NLRP12: variants seen among roughly 807,000 people sequenced by gnomAD.
NLRP12 encodes the protein NLR family pyrin domain containing 12, also known as NACHT, LRR and PYD domains-containing protein 12.
NLRP12 carries 108 observed loss-of-function variants against 91.2 expected under a neutral mutation model. The ratio of observed to expected loss-of-function variants is 1.18; its 90% CI spans 1.01 to 1.39. NLRP12 has a LOEUF of 1.39. Ranked by LOEUF, NLRP12 falls within the 40% of genes most tolerant of loss-of-function variation. The probability of loss-of-function intolerance (pLI) is 0.00; values close to 1 mark genes in which losing one functional copy is unlikely to be tolerated. For synonymous variants in NLRP12, 613 were observed against 566.7 expected (o/e 1.08, Z -1.16); for missense variants, 1,530 against 1,352.7 (o/e 1.13, Z -2.06).
intron 4 of NLRP12, chr19:53,805,683 C>A (rs12610233): frequency 0.18 from 103,650 of 560,946 alleles, 12,324 homozygotes; most frequent in African/African-American, 0.45. Context: ...ATGCCTGGCT[C>A]ATTTTGGTAT....
At chr19:53,820,555 CA>C (rs929443565) in intron 1 of NLRP12, among the ~76,000 whole-genome samples, 6 of 151,886 alleles carry the variant, frequency 4.0e-5, no homozygotes, top group Admixed American at 6.6e-5. Context: ...CAAAAAACCA[CA>C]GCTCAAATGG....
intron 1 of NLRP12, among the ~76,000 whole-genome samples, chr19:53,816,705 A>G (rs1568690667): frequency 6.6e-6 from 1 of 151,738 alleles, no homozygotes; most frequent in Admixed American, 6.6e-5. Context: ...ATACAAAAAA[A>G]TAATTTTTGT....
Position 53,819,457 on chromosome 19 carries a change from A to ATGTGTGTGTGTGTGTGTG in NLRP12, c.289+4411_289+4428dup, listed in dbSNP as rs1208045764. On this transcript the variant is annotated intron_variant, in intron 1 of 9. Coordinates refer to ENST00000324134, the MANE Select transcript of NLRP12 (RefSeq NM_144687.4). ...TATATATATATATATATATATATAT[A>ATGTGTGTGTGTGTGTGTG]TGTGTGTGTGTGTGTGTGTGTGTGT... 2.0e-3 allele frequency among the ~76,000 whole-genome samples: 9 copies of ATGTGTGTGTGTGTGTGTG among 4,600 alleles called. 1 individual carries two copies. The highest frequency in any genetic ancestry group is 4.0e-3 in the African/African-American group (5 of 1,244). The allele number at this position is 4,600 out of a possible 152,430, so 3.0% of individuals were successfully genotyped here. A position where few individuals can be genotyped will look rare whatever the true frequency, so the allele number is the denominator to read the frequency against.
At chr19:53,816,837 C>T (rs116878407) in intron 1 of NLRP12, among the ~76,000 whole-genome samples, 9,818 of 151,584 alleles carry the variant, frequency 0.065, 354 homozygotes, top group Middle Eastern at 0.18. Context: ...CTACTGCACC[C>T]GGCCACTCAA....
rs772926360 is a variant in NLRP12 at position 53,809,969 on chromosome 19, ACAG to A, written c.1687_1689del (p.Leu563del). 1.9e-6 allele frequency: 3 copies of A among 1,614,104 alleles called. 1 individual carries two copies. The highest frequency in any genetic ancestry group is 2.5e-6 in the Non-Finnish European group (3 of 1,180,028). ...CTGGTCTCCTCGTTCAGGAGTCCAA[ACAG>A]GAAGCGGCTGGTGAGTGCCAGGAAG... On this transcript the variant is annotated inframe_deletion, in exon 3 of 10. Coordinates refer to ENST00000324134, the MANE Select transcript of NLRP12 (RefSeq NM_144687.4).
intron 1 of NLRP12, among the ~76,000 whole-genome samples, chr19:53,815,934 A>AT (rs576400966): frequency 0.061 from 8,316 of 135,502 alleles, 328 homozygotes; most frequent in Non-Finnish European, 0.087. Context: ...AAATATTTTA[A>AT]TTTTTTTTTT....
In NLRP12 at chr19:53,794,040, T is replaced by TA. The variant is rs1359451117; in HGVS notation, c.*8dup. On this transcript the variant is annotated 3_prime_UTR_variant, in exon 10 of 10. Coordinates refer to ENST00000324134, the MANE Select transcript of NLRP12 (RefSeq NM_144687.4). ...CAGATCTCAGGGGAGAGCCAGCAGA[T>TA]AGGACCATTCAGCAGCCAATGTCCA... The TA allele has an allele frequency of 6.2e-7, 1 of 1,602,144 alleles. No homozygotes were observed. Among genetic ancestry groups the TA allele is most frequent in the African/African-American group, 1.3e-5 (1 of 74,630 alleles).
At position 53,802,446 on chromosome 19, in the gene NLRP12, G is replaced by C. The variant is rs541911193; in HGVS notation, c.2586-1049C>G. ...AATGCGGCCGGGCATGGTGGCTCAC[G>C]CCTGTAATCCCAGCACTTTCGGGGG... On this transcript the variant is annotated intron_variant, in intron 6 of 9. Coordinates refer to ENST00000324134, the MANE Select transcript of NLRP12 (RefSeq NM_144687.4). Among the ~76,000 whole-genome samples the C allele has an allele frequency of 3.1e-3, 469 of 152,096 alleles. 2 individuals carry two copies. Among genetic ancestry groups the C allele is most frequent in the African/African-American group, 0.011 (441 of 41,526 alleles).
chr19:53,819,560 C>T (rs1287848983), intron 1 of NLRP12, among the ~76,000 whole-genome samples: 2 of 61,982 alleles, frequency 3.2e-5, no homozygotes, highest in African/African-American at 1.2e-4. Context: ...TGTATGTATA[C>T]GTATATATAT....
intron 7 of NLRP12, among the ~76,000 whole-genome samples, chr19:53,799,073 C>T (rs1437300347): frequency 5.7e-5 from 8 of 139,588 alleles, no homozygotes; most frequent in East Asian, 2.1e-4. Context: ...AGTGCAGTGG[C>T]GTGATCTTGG....
In NLRP12 at chr19:53,794,059, A is replaced by G; in HGVS notation, c.3176T>C (p.Ile1059Thr). Reference sequence around the variant, plus strand: ...AGCAGATAGGACCATTCAGCAGCCAATGTCCAAATAAGGTTTTGTTACTCG... The same window carrying G: ...AGCAGATAGGACCATTCAGCAGCCAGTGTCCAAATAAGGTTTTGTTACTCG... ...ALRVTKPYLD[I>T]GC is the part of the protein sequence containing the mutation. Residue 1059 changes from isoleucine (I) to threonine (T), a missense_variant, in exon 10 of 10, where the codon ATT becomes ACT. Ile to Thr is a moderately conservative substitution (Grantham distance 89). Coordinates refer to ENST00000324134, the MANE Select transcript of NLRP12 (RefSeq NM_144687.4). The G allele has an allele frequency of 6.2e-7, 1 of 1,612,948 alleles. No individual in the cohort carries two copies. Among genetic ancestry groups the G allele is most frequent in the Non-Finnish European group, 8.5e-7 (1 of 1,178,970 alleles).
chr19:53,793,981 G>T lies in NLRP12; in HGVS notation c.*68C>A, dbSNP rs983609397. 1 of 1,047,046 alleles carries T rather than the reference G, an allele frequency of 9.6e-7. No homozygotes were observed. The highest frequency in any genetic ancestry group is 1.5e-6 in the Non-Finnish European group (1 of 662,428). The allele number at this position is 1,047,046 out of a possible 1,614,324, so 64.9% of individuals were successfully genotyped here. The stretch of plus-strand genomic sequence containing the variant: ...GGAAGGAGGCTGATCATTATGCTGG[G>T]GGGGTGATGAGCACCCTCCCATCTT... On this transcript the variant is annotated 3_prime_UTR_variant, in exon 10 of 10. Coordinates refer to ENST00000324134, the MANE Select transcript of NLRP12 (RefSeq NM_144687.4).
intron 1 of NLRP12, among the ~76,000 whole-genome samples, chr19:53,818,013 T>C (rs530049549): frequency 6.6e-6 from 1 of 151,880 alleles, no homozygotes; most frequent in East Asian, 2.0e-4. Context: ...AAATTCCTAG[T>C]CTCAAGTGAT....
chr19:53,796,498 CA>C (rs1474010607), intron 8 of NLRP12, among the ~76,000 whole-genome samples: 1 of 152,006 alleles, frequency 6.6e-6, no homozygotes, highest in African/African-American at 2.4e-5. Flanking sequence ...CCGCCCGCCT[CA>C]GCCTCCCAAA....
Position 53,814,946 on chromosome 19 carries a change from G to A in NLRP12, c.332C>T (p.Thr111Ile). 1.9e-6 allele frequency: 3 copies of A among 1,614,074 alleles called. No homozygotes were observed. Among genetic ancestry groups the A allele is most frequent in the Non-Finnish European group, 2.5e-6 (3 of 1,179,988 alleles). ...GACAAGAGAGACTTCCAGAAGGCAT[G>A]TTGACTGGTTCCCAAGTGAGGACGG... ...GGPSSLGNQS[T>I]CLLEVSLVTP... is the part of the protein sequence containing the mutation. The change falls in exon 2 of 10, where the codon ACA (threonine) becomes ATA (isoleucine). Residue 111 changes from threonine to isoleucine, a missense_variant. Transcript: ENST00000324134.
At chr19:53,805,133 A>G (rs796281613) in intron 5 of NLRP12, 147 bp downstream of exon 5, 12 of 793,750 alleles carry the variant, frequency 1.5e-5, no homozygotes, top group African/African-American at 5.1e-5. Context: ...CAAAGTGCCT[A>G]GAGTCCAGGG....
At chr19:53,819,692 TACACACAC>T (rs66662929) in intron 1 of NLRP12, among the ~76,000 whole-genome samples, 2 of 43,600 alleles carry the variant, frequency 4.6e-5, no homozygotes, top group Admixed American at 2.5e-4. Flanking sequence ...TACATATATA[TACACACAC>T]ACACACGTAT....
In NLRP12 at chr19:53,824,161, G is replaced by T. The variant is rs761545315; in HGVS notation, c.14C>A (p.Ala5Glu). 1.7e-4 allele frequency: 277 copies of T among 1,614,026 alleles called. 4 individuals carry two copies. In the Middle Eastern group the frequency reaches 2.3e-3, roughly 13 times the overall value. The change falls in exon 1 of 10, where the codon GCA becomes GAA. Residue 5 changes from alanine (A) to glutamate (E), a missense_variant. Transcript: ENST00000324134. MLRT[A>E]GRDGLCRLST... ...CAGGCGACAGAGGCCGTCCCTGCCT[G>T]CGGTTCGTAGCATGGGGGTGCCGTG...
chr19:53,801,502 A>T, intron 6 of NLRP12, 105 bp from the exon 7 acceptor site: 14 of 1,437,658 alleles, frequency 9.7e-6, no homozygotes, highest in South Asian at 2.6e-5. Flanking sequence ...CCCAGGCTGG[A>T]ATGCAGTGGT....
Sources: allele counts gnomAD v4.1 joint callset (sites outside exome capture counted in the v4.1 genomes callset), GRCh38; gene constraint gnomAD v4.1.1; transcripts MANE v1.5; gene names NCBI Gene and HGNC (gene_info 2026-07-23, HGNC 2026-07-21).